Variants in PTPRG observed in about 807,000 individuals in gnomAD.
The protein encoded by PTPRG is receptor-type tyrosine-protein phosphatase gamma.
Under a neutral mutation model 165.3 loss-of-function variants are expected in PTPRG, and 102 were observed. The ratio of observed to expected loss-of-function variants is 0.62; its 90% CI spans 0.53 to 0.73. The LOEUF is 0.73. Ranked by LOEUF, PTPRG falls within the 30% of genes least tolerant of loss-of-function variation. The pLI is 0.00. For missense variants in PTPRG, 1,866 were observed against 1,861.4 expected (o/e 1.00, Z -0.05); for synonymous variants, 675 against 669.5 (o/e 1.01, Z -0.13).
At chr3:61,648,125 C>A (rs1186958734) in intron 1 of PTPRG, among the ~76,000 whole-genome samples, 1 of 151,714 alleles carries the variant, frequency 6.6e-6, no homozygotes, top group East Asian at 1.9e-4. Context: ...CTGAGAATAT[C>A]CTGACAGTGG....
chr3:62,031,843 G>A (rs186259213), intron 4 of PTPRG, among the ~76,000 whole-genome samples: 41 of 152,284 alleles, frequency 2.7e-4, no homozygotes, highest in African/African-American at 9.4e-4. Context: ...AGGTCCAAAG[G>A]CAGTGCTCCA....
intron 2 of PTPRG, among the ~76,000 whole-genome samples, chr3:61,813,543 C>CTGTGTGTGTGTGTGTG (rs58097355): frequency 2.7e-4 from 32 of 116,916 alleles, no homozygotes; most frequent in East Asian, 7.6e-4. Flanking sequence ...AAAAGAAAAT[C>CTGTGTGTGTGTGTGTG]TGTGTGTGTG....
intron 7 of PTPRG, among the ~76,000 whole-genome samples, chr3:62,164,562 T>C (rs1704896520): frequency 6.6e-6 from 1 of 152,174 alleles, no homozygotes; most frequent in African/African-American, 2.4e-5. Context: ...TGTGATCCAG[T>C]TGACAATATA....
chr3:61,974,113 G>T (rs953506143), intron 2 of PTPRG, among the ~76,000 whole-genome samples: 1 of 151,982 alleles, frequency 6.6e-6, no homozygotes, highest in African/African-American at 2.4e-5. Context: ...CCTCATGACT[G>T]TCTTTTTTAG....
chr3:62,083,573 G>C (rs1701651087), intron 5 of PTPRG, among the ~76,000 whole-genome samples: 1 of 152,224 alleles, frequency 6.6e-6, no homozygotes, highest in South Asian at 2.1e-4. Context: ...TAGGCAATTT[G>C]TGGAAGGATA....
At position 62,219,114 on chromosome 3, in the gene PTPRG, C is replaced by A. The variant is rs1700588111; in HGVS notation, c.2288+131C>A. On this transcript the variant is annotated intron_variant, in intron 13 of 29. Transcript: ENST00000474889. This position sits in a 1 kb window ranked among gnomAD's most constrained non-coding sequence, Gnocchi z 4.5. The stretch of plus-strand genomic sequence containing the variant: ...GCTTAAGTGTTTCTGGTCTTGCCAC[C>A]CGGAAGGCCATCTTGTCTCTGTTAG... The A allele has an allele frequency of 1.6e-6, 2 of 1,248,820 alleles. No individual in the cohort carries two copies. Among genetic ancestry groups the A allele is most frequent in the Non-Finnish European group, 2.2e-6 (2 of 904,620 alleles). The allele number at this position is 1,248,820 out of a possible 1,614,324, so 77.4% of individuals were successfully genotyped here. A position where few individuals can be genotyped will look rare whatever the true frequency, so the allele number is the denominator to read the frequency against.
At chr3:61,963,041 T>C (rs2040190066) in intron 2 of PTPRG, among the ~76,000 whole-genome samples, 1 of 152,154 alleles carries the variant, frequency 6.6e-6, no homozygotes, top group African/African-American at 2.4e-5. Context: ...CTCCCACAGG[T>C]AACCATATTT....
At chr3:61,576,383 C>G (rs971952165) in intron 1 of PTPRG, among the ~76,000 whole-genome samples, 1 of 152,176 alleles carries the variant, frequency 6.6e-6, no homozygotes, top group Admixed American at 6.5e-5. Flanking sequence ...GTCACACCCC[C>G]TAGGTGCATA....
intron 4 of PTPRG, among the ~76,000 whole-genome samples, chr3:62,013,121 A>G (rs1054671074): frequency 3.3e-5 from 5 of 152,200 alleles, no homozygotes; most frequent in Admixed American, 2.6e-4. Context: ...AATATTTACT[A>G]TAAAAGAAAT....
At chr3:61,779,649 T>C (rs551116837) in intron 2 of PTPRG, among the ~76,000 whole-genome samples, 136 of 152,358 alleles carry the variant, frequency 8.9e-4, no homozygotes, top group African/African-American at 3.2e-3. Flanking sequence ...TTAGGAAGAT[T>C]AGCTTCTTAA....
Position 61,610,781 on chromosome 3 carries a change from C to A in PTPRG, c.85+48409C>A, listed in dbSNP as rs1214493578. On this transcript the variant is annotated intron_variant, in intron 1 of 29. Transcript: ENST00000474889. ...TCCCTCCCTCCCTCCCTACCTCCCT[C>A]CCTCTCTCTCTCCATCTCTCTTTCT... Among the ~76,000 whole-genome samples the A allele has an allele frequency of 4.3e-5, 6 of 140,076 alleles. No individual in the cohort carries two copies. In the South Asian group the frequency reaches 1.2e-3, roughly 29 times the overall value. 91.9% of individuals were successfully genotyped at this position (140,076 alleles called of 152,430 possible).
intron 2 of PTPRG, among the ~76,000 whole-genome samples, chr3:61,945,626 A>T (rs1011275155): frequency 2.0e-5 from 3 of 148,972 alleles, no homozygotes; most frequent in Admixed American, 2.0e-4. Context: ...TGGAAGATTG[A>T]GTGAACTCAT....
chr3:62,204,646 G>A (rs922814315), intron 12 of PTPRG, among the ~76,000 whole-genome samples: 1 of 152,232 alleles, frequency 6.6e-6, no homozygotes, highest in Non-Finnish European at 1.5e-5. Flanking sequence ...GAAGTGGCTT[G>A]TTCATGGAAA....
intron 2 of PTPRG, among the ~76,000 whole-genome samples, chr3:61,775,515 C>T (rs549407162): frequency 1.1e-4 from 17 of 152,188 alleles, no homozygotes; most frequent in African/African-American, 3.9e-4. Flanking sequence ...AAATGCTAAC[C>T]TCATAATGGA....
chr3:61,931,951 T>G (rs1364696601), intron 2 of PTPRG, among the ~76,000 whole-genome samples: 1 of 152,246 alleles, frequency 6.6e-6, no homozygotes, highest in Non-Finnish European at 1.5e-5. Flanking sequence ...TCTTCTATGT[T>G]GTCTTCCTTT....
Position 62,203,145 on chromosome 3 carries a change from T to C in PTPRG, c.1378-28T>C, listed in dbSNP as rs766314326. 4 of 1,538,546 alleles carry C rather than the reference T, an allele frequency of 2.6e-6. No individual in the cohort carries two copies. Among genetic ancestry groups the C allele is most frequent in the African/African-American group, 1.4e-5 (1 of 72,194 alleles). On this transcript the variant is annotated intron_variant, in intron 11 of 29. Transcript: ENST00000474889. This position sits in a 1 kb window ranked among gnomAD's most constrained non-coding sequence, Gnocchi z 6.4. The stretch of plus-strand genomic sequence containing the variant: ...CTGCTTTTTCTTCTTCTGCCTCTTT[T>C]CCACCCTTGCCGGGTGACCCTTTCC...
At chr3:62,218,255 C>T (rs768425407) in intron 12 of PTPRG, among the ~76,000 whole-genome samples, 21 of 152,106 alleles carry the variant, frequency 1.4e-4, no homozygotes, top group Admixed American at 2.6e-4. Context: ...CCCCACACTC[C>T]GATGATTGTC....
chr3:62,242,141 G>T (rs1045135192), intron 14 of PTPRG, among the ~76,000 whole-genome samples: 1 of 152,144 alleles, frequency 6.6e-6, no homozygotes. Context: ...GATTTCCATT[G>T]CTTTACATTC....
chr3:62,045,049 T>C (rs1199812574), intron 4 of PTPRG, among the ~76,000 whole-genome samples: 1 of 152,068 alleles, frequency 6.6e-6, no homozygotes, highest in East Asian at 1.9e-4. Context: ...GGAAGGGGTG[T>C]TGGTGTGGGG....
Sources: allele counts gnomAD v4.1 joint callset (sites outside exome capture counted in the v4.1 genomes callset), GRCh38; gene constraint gnomAD v4.1.1; non-coding constraint Gnocchi (gnomAD v3.1); transcripts MANE v1.5; gene names NCBI Gene and HGNC (gene_info 2026-07-23, HGNC 2026-07-21).